The following PDE4D variants were observed in gnomAD, a reference collection of about 807,000 sequenced individuals.
The protein encoded by PDE4D is 3',5'-cyclic-AMP phosphodiesterase 4D.
In PDE4D, 24 loss-of-function variants were observed where a neutral mutation model predicts 87.4. The observed-to-expected ratio is 0.27, with a 90% CI of 0.20 to 0.39. The LOEUF (loss-of-function observed/expected upper bound fraction) is 0.39, where lower values mean the gene tolerates loss of function less well. Ranked by LOEUF, PDE4D falls within the 10% of genes least tolerant of loss-of-function variation. PDE4D has a pLI of 1.00. For missense variants in PDE4D, 714 were observed against 1,041.0 expected, an observed-to-expected ratio of 0.69 and a Z score of 4.32; for synonymous variants, 384 against 383.2, an observed-to-expected ratio of 1.00 and a Z score of -0.02.
intron 1 of PDE4D, among the ~76,000 whole-genome samples, chr5:59,444,587 C>A (rs980138611): frequency 2.6e-5 from 4 of 151,980 alleles, no homozygotes; most frequent in Non-Finnish European, 4.4e-5. Context: ...CCGAGGCGGG[C>A]GGATCACGAG....
chr5:59,615,149 C>T (rs1379917446), intron 1 of PDE4D, among the ~76,000 whole-genome samples: 1 of 152,102 alleles, frequency 6.6e-6, no homozygotes, highest in East Asian at 1.9e-4. Flanking sequence ...TTATGTTGAA[C>T]ATTCCCATTC....
intron 2 of PDE4D, among the ~76,000 whole-genome samples, chr5:60,103,592 C>T (rs763110412): frequency 6.6e-6 from 1 of 151,998 alleles, no homozygotes; most frequent in Non-Finnish European, 1.5e-5. Context: ...TGTTGGTCCT[C>T]CAGAACTTCA....
chr5:59,090,100 G>A lies in PDE4D; in HGVS notation c.809-51129C>T, dbSNP rs72762607. Reference sequence around the variant, plus strand: ...TTTAAGAACATTAGCAATTACTTACGGGATAAGCACAGTTAAAGGAATTTC... The same window carrying A: ...TTTAAGAACATTAGCAATTACTTACAGGATAAGCACAGTTAAAGGAATTTC... On this transcript the variant is annotated intron_variant, in intron 5 of 14. Coordinates refer to ENST00000340635, the MANE Select transcript of PDE4D (RefSeq NM_001104631.2). Among the ~76,000 whole-genome samples, 196 of 152,116 alleles carry A rather than the reference G, an allele frequency of 1.3e-3. 1 individual carries two copies. Among genetic ancestry groups the A allele is most frequent in the African/African-American group, 4.2e-3 (176 of 41,522 alleles).
chr5:59,857,498 A>T (rs1434030868), intron 1 of PDE4D, among the ~76,000 whole-genome samples: 1 of 152,182 alleles, frequency 6.6e-6, no homozygotes, highest in Non-Finnish European at 1.5e-5. Flanking sequence ...TCATCTCTGA[A>T]TATCACAAAG....
chr5:60,073,804 T>C (rs963563151), intron 2 of PDE4D, among the ~76,000 whole-genome samples: 1 of 152,140 alleles, frequency 6.6e-6, no homozygotes, highest in Non-Finnish European at 1.5e-5. Flanking sequence ...TTCTAGTTTG[T>C]GTGCATAGTA....
At chr5:59,442,881 T>C (rs1160267574) in intron 1 of PDE4D, among the ~76,000 whole-genome samples, 1 of 152,212 alleles carries the variant, frequency 6.6e-6, no homozygotes, top group Non-Finnish European at 1.5e-5. Context: ...TAGTTGTTGG[T>C]AGAAGTCATT....
chr5:59,081,636 T>G (rs1158556104), intron 5 of PDE4D, among the ~76,000 whole-genome samples: 1 of 152,104 alleles, frequency 6.6e-6, no homozygotes, highest in East Asian at 1.9e-4. Flanking sequence ...ACTAGATGCT[T>G]GAATTACTAA....
chr5:58,976,520 A>G, intron 12 of PDE4D, 48 bp from the exon 13 acceptor site: 1 of 1,370,418 alleles, frequency 7.3e-7, no homozygotes, highest in Non-Finnish European at 1.0e-6. Flanking sequence ...CAGAATTTAC[A>G]CATGAAAATA....
At chr5:59,907,430 C>T (rs1752965542) in intron 3 of PDE4D, among the ~76,000 whole-genome samples, 2 of 151,964 alleles carry the variant, frequency 1.3e-5, no homozygotes, top group Admixed American at 6.6e-5. Context: ...GGTCTATCTA[C>T]TTGATGGTGG....
chr5:60,206,537 AG>A (rs1186082667), intron 1 of PDE4D, among the ~76,000 whole-genome samples: 14 of 152,246 alleles, frequency 9.2e-5, no homozygotes, highest in Admixed American at 7.8e-4. Context: ...AGTTCTCAAA[AG>A]TGTTCATGCA....
intron 3 of PDE4D, among the ~76,000 whole-genome samples, chr5:59,974,053 T>C (rs1761055361): frequency 1.3e-5 from 2 of 152,184 alleles, no homozygotes; most frequent in Non-Finnish European, 2.9e-5. Flanking sequence ...CAAAACCGTA[T>C]GCACGTGCCT....
chr5:60,350,092 C>A (rs1236621979), intron 1 of PDE4D, among the ~76,000 whole-genome samples: 2 of 152,134 alleles, frequency 1.3e-5, no homozygotes, highest in Non-Finnish European at 2.9e-5. Flanking sequence ...GAACCAGCAC[C>A]CTGAAAATAT....
chr5:60,504,442 T>G (rs1260153254), intron 1 of PDE4D, among the ~76,000 whole-genome samples: 1 of 152,100 alleles, frequency 6.6e-6, no homozygotes, highest in East Asian at 1.9e-4. Flanking sequence ...GTAGGTGGTA[T>G]AGTACAAGCA....
intron 1 of PDE4D, among the ~76,000 whole-genome samples, chr5:59,722,422 T>C (rs1453709130): frequency 6.6e-6 from 1 of 152,192 alleles, no homozygotes; most frequent in Non-Finnish European, 1.5e-5. Context: ...TTATTCTAAC[T>C]TAATTTAAAG....
At chr5:60,120,758 C>T (rs1462851945) in intron 2 of PDE4D, among the ~76,000 whole-genome samples, 4 of 152,148 alleles carry the variant, frequency 2.6e-5, no homozygotes, top group African/African-American at 9.7e-5. Flanking sequence ...CTGCATCAAC[C>T]TGCAGCAACG....
At chr5:59,469,616 C>T (rs895443136) in intron 1 of PDE4D, among the ~76,000 whole-genome samples, 1 of 152,008 alleles carries the variant, frequency 6.6e-6, no homozygotes, top group Non-Finnish European at 1.5e-5. Context: ...GCATACCCAG[C>T]GAAGAAATCT....
At chr5:59,020,320 C>CA (rs113750057) in intron 6 of PDE4D, among the ~76,000 whole-genome samples, 11,043 of 151,878 alleles carry the variant, frequency 0.073, 461 homozygotes, top group Non-Finnish European at 0.093. Flanking sequence ...ACTAAAAACA[C>CA]AAAAAACAGC....
chr5:60,109,976 C>T (rs1010407394), intron 2 of PDE4D, among the ~76,000 whole-genome samples: 1 of 151,884 alleles, frequency 6.6e-6, no homozygotes, highest in Admixed American at 6.6e-5. Flanking sequence ...CTAACCTGCA[C>T]ATTGTGCACA....
intron 1 of PDE4D, among the ~76,000 whole-genome samples, chr5:59,519,403 C>A (rs561724189): frequency 2.6e-5 from 4 of 152,234 alleles, no homozygotes; most frequent in African/African-American, 9.6e-5. Context: ...AACATATGAG[C>A]GATGATCTGA....
Sources: allele counts gnomAD v4.1 joint callset (sites outside exome capture counted in the v4.1 genomes callset), GRCh38; gene constraint gnomAD v4.1.1; transcripts MANE v1.5; gene names NCBI Gene and HGNC (gene_info 2026-07-23, HGNC 2026-07-21).